Variants in CRACR2A observed in about 807,000 individuals in gnomAD.
CRACR2A encodes calcium release activated channel regulator 2A, also known as EF-hand calcium-binding domain-containing protein 4B.
A neutral mutation model predicts 90.5 loss-of-function variants in CRACR2A; 79 were observed. The ratio of observed to expected loss-of-function variants is 0.87; its 90% confidence interval spans 0.73 to 1.05. The LOEUF is 1.05. Among genes scored for constraint, CRACR2A ranks in the 50% least tolerant of loss-of-function variants. The pLI, the probability that CRACR2A is intolerant of heterozygous loss-of-function variation, is 0.00. For synonymous variants in CRACR2A, 338 were observed against 356.7 expected (o/e 0.95, Z 0.59); for missense variants, 823 against 897.2 (o/e 0.92, Z 1.06).
At chr12:3,725,438 T>C (rs982785122) in intron 2 of CRACR2A, among the ~76,000 whole-genome samples, 3 of 152,128 alleles carry the variant, frequency 2.0e-5, no homozygotes, top group African/African-American at 7.2e-5. Context: ...GGCCTTCTTC[T>C]CTCTATGTCC....
At chr12:3,730,064 G>C (rs1946336936) in intron 2 of CRACR2A, 2 of 152,218 alleles carry the variant, frequency 1.3e-5, no homozygotes, top group African/African-American at 4.8e-5. Flanking sequence ...TGGCAAGGCA[G>C]GGGCTGCAAT....
At chr12:3,643,871 T>TATATATA (rs1491480172) in intron 12 of CRACR2A, among the ~76,000 whole-genome samples, 20 of 43,268 alleles carry the variant, frequency 4.6e-4, no homozygotes, top group Admixed American at 1.6e-3. Context: ...TTATATATAT[T>TATATATA]ATATATATTT....
intron 3 of CRACR2A, among the ~76,000 whole-genome samples, chr12:3,712,360 G>A (rs920104326): frequency 3.3e-5 from 5 of 152,214 alleles, no homozygotes; most frequent in African/African-American, 1.2e-4. Context: ...GGTTCTGCAA[G>A]CTATGCAAGC....
Position 3,633,820 on chromosome 12 carries a change from C to A in CRACR2A, c.1603-84G>T. 1.3e-6 allele frequency: 2 copies of A among 1,528,530 alleles called. No individual in the cohort carries two copies. The highest frequency in any genetic ancestry group is 1.8e-6 in the Non-Finnish European group (2 of 1,135,840). 94.7% of individuals were successfully genotyped at this position (1,528,530 alleles called of 1,614,324 possible). On this transcript the variant is annotated intron_variant, in intron 14 of 19. Transcript: ENST00000440314. This position sits in a 1 kb window ranked among gnomAD's most constrained non-coding sequence, Gnocchi z 4.5. Reference sequence around the variant, plus strand: ...TGCCACCAGAGGCCCTTTACCCATCCCTACAGTGGCCCTCAGGAGGTGCAG... The same window carrying A: ...TGCCACCAGAGGCCCTTTACCCATCACTACAGTGGCCCTCAGGAGGTGCAG...
intron 1 of CRACR2A, among the ~76,000 whole-genome samples, chr12:3,741,956 C>T (rs533312858): frequency 4.1e-4 from 62 of 152,234 alleles, no homozygotes; most frequent in Non-Finnish European, 7.8e-4. Flanking sequence ...GAGAGTCACC[C>T]ATGACTGTCA....
intron 7 of CRACR2A, among the ~76,000 whole-genome samples, 154 bp from the exon 8 acceptor site, chr12:3,659,808 A>G (rs1198724603): frequency 8.5e-5 from 13 of 152,236 alleles, no homozygotes; most frequent in East Asian, 5.8e-4. Flanking sequence ...TCAGTCCCTC[A>G]TGATCAGCTA....
intron 1 of CRACR2A, among the ~76,000 whole-genome samples, chr12:3,744,079 CA>C (rs1207040115): frequency 7.2e-5 from 11 of 152,296 alleles, no homozygotes; most frequent in African/African-American, 2.6e-4. Context: ...GAAAGCAAAA[CA>C]GATCATGACC....
chr12:3,641,913 C>T, intron 12 of CRACR2A, 75 bp from the exon 13 acceptor site: 1 of 1,310,156 alleles, frequency 7.6e-7, no homozygotes, highest in South Asian at 1.3e-5. Flanking sequence ...CTCATGGTTC[C>T]CACCTCATAG....
chr12:3,651,382 A>C (rs1198764704), intron 10 of CRACR2A, among the ~76,000 whole-genome samples: 6 of 152,240 alleles, frequency 3.9e-5, no homozygotes, highest in African/African-American at 4.8e-5. Context: ...GGATCTGATG[A>C]CTGCAGATCG....
intron 15 of CRACR2A, among the ~76,000 whole-genome samples, chr12:3,632,620 G>T (rs1944394495): frequency 6.6e-6 from 1 of 152,192 alleles, no homozygotes; most frequent in Non-Finnish European, 1.5e-5. Flanking sequence ...GGAAGAGAAG[G>T]TAGTTGAGGG....
chr12:3,734,867 G>T (rs950853057), intron 1 of CRACR2A, among the ~76,000 whole-genome samples: 1 of 152,098 alleles, frequency 6.6e-6, no homozygotes, highest in Admixed American at 6.5e-5. Flanking sequence ...GGCTGTAGGT[G>T]GCGAGAGAGG....
intron 2 of CRACR2A, among the ~76,000 whole-genome samples, chr12:3,719,575 T>C (rs1055557840): frequency 6.6e-6 from 1 of 152,246 alleles, no homozygotes; most frequent in Non-Finnish European, 1.5e-5. Flanking sequence ...TGGTTTTAGA[T>C]GCTTTTCATC....
At chr12:3,628,248 T>C (rs1294994305) in intron 15 of CRACR2A, among the ~76,000 whole-genome samples, 2 of 151,928 alleles carry the variant, frequency 1.3e-5, no homozygotes, top group Non-Finnish European at 2.9e-5. Flanking sequence ...TTTCTTTCCT[T>C]CTTTCCTAAA....
intron 13 of CRACR2A, among the ~76,000 whole-genome samples, chr12:3,638,824 T>C (rs1944506694): frequency 2.0e-5 from 3 of 152,190 alleles, no homozygotes. Context: ...GTGAGACTGC[T>C]GTGAAGGAGA....
At chr12:3,668,355 C>T (rs1413198198) in intron 7 of CRACR2A, among the ~76,000 whole-genome samples, 6 of 152,154 alleles carry the variant, frequency 3.9e-5, no homozygotes, top group African/African-American at 7.2e-5. Context: ...GTATCAGAAC[C>T]GCCTGGGATG....
At chr12:3,714,168 A>C (rs1946048161) in intron 2 of CRACR2A, among the ~76,000 whole-genome samples, 1 of 152,244 alleles carries the variant, frequency 6.6e-6, no homozygotes, top group South Asian at 2.1e-4. Flanking sequence ...ATGAGGTAAC[A>C]CAGCGCTCAT....
intron 15 of CRACR2A, among the ~76,000 whole-genome samples, chr12:3,628,012 TCC>T (rs1944298857): frequency 3.0e-5 from 2 of 66,326 alleles, no homozygotes; most frequent in Admixed American, 1.8e-4. Context: ...CCTCCCTCCC[TCC>T]CTCCCTCTCT....
intron 10 of CRACR2A, among the ~76,000 whole-genome samples, chr12:3,652,419 G>A (rs1944810308): frequency 6.6e-6 from 1 of 152,166 alleles, no homozygotes; most frequent in Non-Finnish European, 1.5e-5. Context: ...TTGGAATGGA[G>A]GGGCTTATTT....
intron 2 of CRACR2A, chr12:3,729,096 C>T (rs1465052664): frequency 1.3e-5 from 2 of 152,242 alleles, no homozygotes; most frequent in African/African-American, 4.8e-5. Context: ...AACTAGCCTC[C>T]AGGCACCAGG....
Sources: allele counts gnomAD v4.1 joint callset (sites outside exome capture counted in the v4.1 genomes callset), GRCh38; gene constraint gnomAD v4.1.1; non-coding constraint Gnocchi (gnomAD v3.1); transcripts MANE v1.5; gene names NCBI Gene and HGNC (gene_info 2026-07-23, HGNC 2026-07-21).